Variants in MTMR8 observed in about 807,000 individuals in gnomAD.
The protein encoded by MTMR8 is phosphatidylinositol-3,5-bisphosphate 3-phosphatase MTMR8.
Under a neutral mutation model 39.3 loss-of-function variants are expected in MTMR8, and 65 were observed. That is an observed-to-expected ratio of 1.65 (90% CI 1.35 to 2.03). MTMR8 has a LOEUF of 2.03. Among genes scored for constraint, MTMR8 ranks in the 30% most tolerant of loss-of-function variants. The probability of loss-of-function intolerance (pLI) is 0.00; values close to 1 mark genes in which losing one functional copy is unlikely to be tolerated. For missense variants in MTMR8, 777 were observed against 538.9 expected (o/e 1.44, Z -4.37); for synonymous variants, 245 against 185.2 (o/e 1.32, Z -2.62).
intron 1 of MTMR8, among the ~76,000 whole-genome samples, chrX:64,366,764 A>C (rs1023197584): frequency 8.9e-6 from 1 of 111,800 alleles, no homozygotes; most frequent in Non-Finnish European, 1.9e-5. Context: ...ATCAGAGCAG[A>C]ACCGAAGGAG....
chrX:64,348,538 G>A, intron 6 of MTMR8, 122 bp downstream of exon 6: 5 of 882,799 alleles, frequency 5.7e-6, no homozygotes, highest in Non-Finnish European at 7.8e-6. Flanking sequence ...TTTACACAAT[G>A]TCTGACATAA....
chrX:64,324,060 A>G (rs1922723664), intron 12 of MTMR8, among the ~76,000 whole-genome samples: 1 of 112,990 alleles, frequency 8.9e-6, no homozygotes, highest in Non-Finnish European at 1.9e-5. Flanking sequence ...GAAATAATAA[A>G]GAGTAGAAAT....
intron 1 of MTMR8, among the ~76,000 whole-genome samples, chrX:64,369,778 A>G (rs778381352): frequency 2.9e-4 from 32 of 111,592 alleles, no homozygotes; most frequent in African/African-American, 9.8e-4. Flanking sequence ...AAAAAAAATT[A>G]TCCAGTCTCA....
intron 12 of MTMR8, chrX:64,304,907 T>TATATATAC (rs1416066091): frequency 5.5e-5 from 4 of 72,403 alleles, no homozygotes; most frequent in Admixed American, 1.8e-4. Flanking sequence ...TATATATATA[T>TATATATAC]ACACATACAT....
chrX:64,381,520 G>A (rs770602127), intron 1 of MTMR8, among the ~76,000 whole-genome samples: 14 of 108,261 alleles, frequency 1.3e-4, no homozygotes, highest in Non-Finnish European at 1.9e-4. Context: ...TGTCAGATGG[G>A]TAGATTGCAA....
At chrX:64,322,042 A>AT (rs1203117131) in intron 12 of MTMR8, among the ~76,000 whole-genome samples, 1 of 105,362 alleles carries the variant, frequency 9.5e-6, no homozygotes, top group African/African-American at 3.5e-5. Flanking sequence ...GTTTGTTAGT[A>AT]TTTTTGTTTT....
chrX:64,271,479 T>C (rs922159678), intron 12 of MTMR8, among the ~76,000 whole-genome samples: 1 of 112,212 alleles, frequency 8.9e-6, no homozygotes, highest in African/African-American at 3.2e-5. Context: ...ATCAATTCCC[T>C]TTATGAGAAA....
intron 8 of MTMR8, among the ~76,000 whole-genome samples, chrX:64,341,819 G>A (rs1028485464): frequency 1.8e-5 from 2 of 111,908 alleles, no homozygotes; most frequent in Non-Finnish European, 3.8e-5. Context: ...TCAGTGATGT[G>A]TATGCACTGT....
At chrX:64,282,716 T>C (rs761002551) in intron 12 of MTMR8, among the ~76,000 whole-genome samples, 5 of 110,953 alleles carry the variant, frequency 4.5e-5, no homozygotes, top group Admixed American at 1.9e-4. Flanking sequence ...AATGGATAAA[T>C]TGGGCTACAT....
Position 64,287,388 on chromosome X carries a change from C to T in MTMR8, c.1482-16315G>A, listed in dbSNP as rs1921223654. ...CAATATCATGAAAATGGCCATACTG[C>T]CTAAGGTAATTTATAGATTCAATGC... On this transcript the variant is annotated intron_variant, in intron 12 of 13. Coordinates refer to ENST00000374852, the MANE Select transcript of MTMR8 (RefSeq NM_017677.4). 5.4e-5 allele frequency among the ~76,000 whole-genome samples: 6 copies of T among 111,452 alleles called. No homozygotes were observed. In the South Asian group the frequency reaches 1.9e-3, roughly 35 times the overall value.
chrX:64,362,638 G>A (rs975260049), intron 1 of MTMR8, among the ~76,000 whole-genome samples: 2 of 109,843 alleles, frequency 1.8e-5, no homozygotes, highest in African/African-American at 6.6e-5. Flanking sequence ...TGGGGAAACA[G>A]TATTAGTACA....
intron 2 of MTMR8, among the ~76,000 whole-genome samples, chrX:64,358,941 C>A (rs1381713134): frequency 9.2e-6 from 1 of 108,671 alleles, no homozygotes; most frequent in Non-Finnish European, 1.9e-5. Flanking sequence ...TTAGTGTTGC[C>A]CAAGGTAAAG....
chrX:64,292,227 A>C (rs1335990638), intron 12 of MTMR8, among the ~76,000 whole-genome samples: 1 of 112,097 alleles, frequency 8.9e-6, no homozygotes. Context: ...GTCCTCTGCT[A>C]TCATGACAAT....
Position 64,331,598 on chromosome X carries a change from T to G in MTMR8, c.1311A>C (p.Gly437=). Residue 437 remains glycine (G), a synonymous_variant, in exon 11 of 14, where the codon GGA becomes GGC. Transcript: ENST00000374852. ...IHDHVFSCQF[G]NFLGNCQKDR... ...CCTTCTGGCAGTTACCAAGGAAGTT[T>G]CCAAACTGGCAGGAGAAAACATGGT... 8.3e-7 allele frequency: 1 copy of G among 1,210,548 alleles called. No homozygotes were observed. The highest frequency in any genetic ancestry group is 2.3e-4 in the Middle Eastern group (1 of 4,354).
At chrX:64,352,007 A>G (rs1479867522) in intron 4 of MTMR8, among the ~76,000 whole-genome samples, 1 of 111,424 alleles carries the variant, frequency 9.0e-6, no homozygotes, top group Non-Finnish European at 1.9e-5. Context: ...CAAATTGACA[A>G]TATTAACCAT....
chrX:64,311,082 T>G (rs1397320178), intron 12 of MTMR8, among the ~76,000 whole-genome samples: 1 of 112,003 alleles, frequency 8.9e-6, no homozygotes, highest in Non-Finnish European at 1.9e-5. Flanking sequence ...CCACACTGTC[T>G]TCCACAATGG....
intron 12 of MTMR8, among the ~76,000 whole-genome samples, chrX:64,297,115 C>A (rs1921636715): frequency 1.2e-5 from 1 of 81,709 alleles, no homozygotes; most frequent in East Asian, 4.1e-4. Context: ...ATGGCTGGGT[C>A]AAATGGTATT....
In MTMR8 at chrX:64,283,491, C is replaced by T. The variant is rs188084101; in HGVS notation, c.1482-12418G>A. ...GAAGACAGTAGTGGTTCTCCCAGCA[C>T]GGAGTTTGAGATCTGAGAATGGACA... On this transcript the variant is annotated intron_variant, in intron 12 of 13. Transcript: ENST00000374852. Among the ~76,000 whole-genome samples the T allele has an allele frequency of 1.7e-3, 190 of 111,899 alleles. 1 individual carries two copies. The highest frequency in any genetic ancestry group is 5.7e-3 in the African/African-American group (175 of 30,846).
At chrX:64,286,360 C>T (rs1000966900) in intron 12 of MTMR8, among the ~76,000 whole-genome samples, 1 of 112,039 alleles carries the variant, frequency 8.9e-6, no homozygotes, top group African/African-American at 3.2e-5. Flanking sequence ...CAGAAGGATT[C>T]ACAGCCAAAT....
Sources: allele counts gnomAD v4.1 joint callset (sites outside exome capture counted in the v4.1 genomes callset), GRCh38; gene constraint gnomAD v4.1.1; transcripts MANE v1.5; gene names NCBI Gene and HGNC (gene_info 2026-07-23, HGNC 2026-07-21).